FER: variants seen among roughly 807,000 people sequenced by gnomAD.
FER encodes the protein tyrosine-protein kinase Fer.
A neutral mutation model predicts 111.0 loss-of-function variants in FER; 63 were observed. The observed-to-expected ratio is 0.57, with a 90% CI of 0.46 to 0.70. The LOEUF (loss-of-function observed/expected upper bound fraction) is 0.70. Ranked by LOEUF, FER falls within the 30% of genes least tolerant of loss-of-function variation. The pLI, the probability that FER is intolerant of heterozygous loss-of-function variation, is 0.00. For synonymous variants in FER, 327 were observed against 313.9 expected, an observed-to-expected ratio of 1.04 and a Z score of -0.44; for missense variants, 914 against 954.0, an observed-to-expected ratio of 0.96 and a Z score of 0.55.
chr5:108,790,323 C>T (rs930449808), intron 2 of FER, among the ~76,000 whole-genome samples: 1 of 151,638 alleles, frequency 6.6e-6, no homozygotes, highest in African/African-American at 2.4e-5. Context: ...TTGGAAAACT[C>T]TAATTTTTAC....
chr5:108,833,998 T>TTC (rs79442665), intron 4 of FER, among the ~76,000 whole-genome samples: 34,559 of 152,096 alleles, frequency 0.23, 4,093 homozygotes, highest in African/African-American at 0.28. Flanking sequence ...GTTGGTTGGT[T>TTC]TCAATCAGGA....
At chr5:109,030,958 C>A (rs901756382) in intron 13 of FER, among the ~76,000 whole-genome samples, 1 of 151,918 alleles carries the variant, frequency 6.6e-6, no homozygotes, top group East Asian at 1.9e-4. Flanking sequence ...TAGGCTTGGT[C>A]GCTCATTTGT....
chr5:108,790,235 C>CCCCACACACACACA (rs1554065058), intron 2 of FER, among the ~76,000 whole-genome samples: 1 of 145,094 alleles, frequency 6.9e-6, no homozygotes, highest in African/African-American at 2.6e-5. Context: ...TGCATACACA[C>CCCCACACACACACA]CACACACACA....
chr5:109,163,676 C>T (rs747767090), intron 17 of FER, among the ~76,000 whole-genome samples: 6 of 152,038 alleles, frequency 3.9e-5, no homozygotes, highest in Non-Finnish European at 5.9e-5. Context: ...TGAACTCCTG[C>T]GCTCGATCCT....
chr5:109,013,362 G>C (rs923575594), intron 13 of FER, among the ~76,000 whole-genome samples: 3 of 151,362 alleles, frequency 2.0e-5, no homozygotes, highest in African/African-American at 7.3e-5. Flanking sequence ...AGTTTACTGA[G>C]AATGATGATT....
intron 11 of FER, among the ~76,000 whole-genome samples, chr5:108,952,464 C>T (rs568540969): frequency 6.8e-6 from 1 of 146,040 alleles, no homozygotes; most frequent in South Asian, 2.3e-4. Context: ...TGACTTTTCC[C>T]TGTGTATGTG....
intron 14 of FER, among the ~76,000 whole-genome samples, chr5:109,040,751 T>C (rs1771048927): frequency 6.6e-6 from 1 of 152,136 alleles, no homozygotes; most frequent in Admixed American, 6.6e-5. Context: ...AATAATAGCA[T>C]ACTAGTTTGC....
chr5:108,835,874 T>C, intron 5 of FER, 67 bp downstream of exon 5: 1 of 856,870 alleles, frequency 1.2e-6, no homozygotes, highest in Non-Finnish European at 1.8e-6. Context: ...AAGTTATCTT[T>C]GTAAGTAGTG....
At chr5:108,861,883 A>G (rs1384894171) in intron 5 of FER, among the ~76,000 whole-genome samples, 2 of 152,196 alleles carry the variant, frequency 1.3e-5, no homozygotes, top group African/African-American at 2.4e-5. Context: ...TTTATTTTAA[A>G]ACAAATCAGT....
intron 17 of FER, among the ~76,000 whole-genome samples, chr5:109,118,667 A>T (rs938037265): frequency 6.6e-6 from 1 of 152,158 alleles, no homozygotes; most frequent in Admixed American, 6.5e-5. Context: ...GCTATTAATT[A>T]TTGCCTCAAT....
At chr5:108,909,406 G>A (rs1751241094) in intron 10 of FER, among the ~76,000 whole-genome samples, 1 of 152,118 alleles carries the variant, frequency 6.6e-6, no homozygotes, top group South Asian at 2.1e-4. Context: ...ACTAAGGAAA[G>A]GTTTTCTCTA....
intron 13 of FER, among the ~76,000 whole-genome samples, chr5:108,991,954 G>A (rs1193752994): frequency 6.6e-6 from 1 of 151,876 alleles, no homozygotes; most frequent in African/African-American, 2.4e-5. Context: ...TAGGACAATA[G>A]TGGAGGGAAG....
intron 17 of FER, among the ~76,000 whole-genome samples, chr5:109,113,542 C>A (rs1336491513): frequency 6.6e-6 from 1 of 152,058 alleles, no homozygotes; most frequent in Non-Finnish European, 1.5e-5. Flanking sequence ...TTACATTTTT[C>A]ATAGGAAACT....
At chr5:109,149,086 T>TA (rs5870348) in intron 17 of FER, among the ~76,000 whole-genome samples, 59,062 of 151,688 alleles carry the variant, frequency 0.39, 11,701 homozygotes, top group Non-Finnish European at 0.41. Flanking sequence ...TCTGATATAT[T>TA]AAAAAAAATG....
At chr5:108,814,486 T>C (rs567368147) in intron 3 of FER, among the ~76,000 whole-genome samples, 31 of 152,266 alleles carry the variant, frequency 2.0e-4, no homozygotes, top group African/African-American at 5.5e-4. Context: ...AAAAAGATCA[T>C]TGGGAGATGT....
chr5:109,186,343 G>T, intron 19 of FER, 21 bp downstream of exon 19: 1 of 1,614,032 alleles, frequency 6.2e-7, no homozygotes, highest in Admixed American at 1.7e-5. Context: ...TACATTCATT[G>T]TTAGTGTTCA....
intron 2 of FER, among the ~76,000 whole-genome samples, chr5:108,777,748 T>C (rs1753647574): frequency 6.6e-6 from 1 of 152,158 alleles, no homozygotes; most frequent in Non-Finnish European, 1.5e-5. Context: ...CTCACAATCA[T>C]GGTGGAAGGC....
At chr5:109,133,410 G>A (rs17450567) in intron 17 of FER, among the ~76,000 whole-genome samples, 15,945 of 152,004 alleles carry the variant, frequency 0.1, 848 homozygotes, top group Non-Finnish European at 0.12. Flanking sequence ...AGCTATTTCA[G>A]GACTTATTTC....
intron 3 of FER, among the ~76,000 whole-genome samples, chr5:108,812,175 C>G (rs1209484775): frequency 3.9e-5 from 6 of 152,118 alleles, no homozygotes; most frequent in African/African-American, 1.4e-4. Context: ...ATTTATTAGT[C>G]CATTTTTCTT....
Sources: gnomAD v4.1 joint callset for allele counts (sites outside exome capture counted in the v4.1 genomes callset) on GRCh38, gnomAD v4.1.1 for gene constraint, MANE v1.5 for transcripts, NCBI Gene and HGNC (gene_info 2026-07-23, HGNC 2026-07-21) for gene names.